ELAC2: variants seen among roughly 807,000 people sequenced by gnomAD.
The protein encoded by ELAC2 is elaC ribonuclease Z 2, also known as zinc phosphodiesterase ELAC protein 2.
Under a neutral mutation model 105.2 loss-of-function variants are expected in ELAC2, and 92 were observed. The ratio of observed to expected loss-of-function variants is 0.87; its 90% CI spans 0.74 to 1.04. The LOEUF (loss-of-function observed/expected upper bound fraction) is 1.04, where lower values mean the gene tolerates loss of function less well. Among genes scored for constraint, ELAC2 ranks in the 50% least tolerant of loss-of-function variants. ELAC2 has a pLI of 0.00. For missense variants in ELAC2, 1,099 were observed against 1,071.7 expected (o/e 1.03, Z -0.36); for synonymous variants, 468 against 409.1 (o/e 1.14, Z -1.74).
chr17:12,996,031 C>T (rs371341302), intron 17 of ELAC2, 53 bp from the exon 18 acceptor site: 187 of 1,553,888 alleles, frequency 1.2e-4, no homozygotes, highest in African/African-American at 1.0e-3. Flanking sequence ...CCATCCCCTC[C>T]GGGTTAGGGT....
intron 17 of ELAC2, 43 bp from the exon 18 acceptor site, chr17:12,996,021 C>A: frequency 6.4e-7 from 1 of 1,565,850 alleles, no homozygotes. Context: ...GGCCCCAGGG[C>A]CATCCCCTCC....
Position 12,992,209 on chromosome 17 carries a change from C to T in ELAC2, c.*609G>A, listed in dbSNP as rs116198313. On this transcript the variant is annotated 3_prime_UTR_variant, in exon 24 of 24. Transcript: ENST00000338034. Reference sequence around the variant, plus strand: ...AGCTCGAGTTGTCAAAAAGACTTGGCGAATAAGGGTGGCTCTCTGAGGACA... The same window carrying T: ...AGCTCGAGTTGTCAAAAAGACTTGGTGAATAAGGGTGGCTCTCTGAGGACA... Among the ~76,000 whole-genome samples the T allele has an allele frequency of 3.3e-3, 503 of 152,164 alleles. 1 individual carries two copies. The highest frequency in any genetic ancestry group is 0.012 in the African/African-American group (479 of 41,506).
In ELAC2 at chr17:13,014,549, G is replaced by C. The variant is rs112467923; in HGVS notation, c.433-53C>G. 1.7e-4 allele frequency: 214 copies of C among 1,296,272 alleles called. 1 individual carries two copies. The African/African-American group carries it at 2.6e-3, about 16-fold the overall frequency. 80.3% of individuals were successfully genotyped at this position (1,296,272 alleles called of 1,614,324 possible). A position where few individuals can be genotyped will look rare whatever the true frequency, so the allele number is the denominator to read the frequency against. On this transcript the variant is annotated intron_variant, in intron 4 of 23. Coordinates refer to ENST00000338034, the MANE Select transcript of ELAC2 (RefSeq NM_018127.7). ...TATGGTTGAACAAATGTAGAACACA[G>C]CAACTATTCAAGTATTTAAAAGGTT...
intron 10 of ELAC2, among the ~76,000 whole-genome samples, 192 bp downstream of exon 10, chr17:13,005,561 G>C (rs1555576955): frequency 1.3e-5 from 2 of 152,162 alleles, no homozygotes; most frequent in Non-Finnish European, 2.9e-5. Context: ...CTACAAAAAT[G>C]CTCGAATGCA....
chr17:13,017,207 T>A (rs1598278774), intron 1 of ELAC2, 86 bp from the exon 2 acceptor site: 2 of 1,216,692 alleles, frequency 1.6e-6, no homozygotes, highest in African/African-American at 3.1e-5. Context: ...TTGTAGACTC[T>A]GGAAAAAAAA....
chr17:13,000,734 C>T (rs2040746999), intron 14 of ELAC2: 1 of 224,074 alleles, frequency 4.5e-6, no homozygotes, highest in Non-Finnish European at 9.0e-6. Flanking sequence ...ACGCAGAAGC[C>T]AGTTCGGCAG....
At position 13,000,116 on chromosome 17, in the gene ELAC2, A is replaced by G. The variant is rs759601377; in HGVS notation, c.1423+40T>C. 4 of 1,578,870 alleles carry G rather than the reference A, an allele frequency of 2.5e-6. No individual in the cohort carries two copies. In the South Asian group the frequency reaches 4.4e-5, roughly 17 times the overall value. The stretch of plus-strand genomic sequence containing the variant: ...GCTAGGAAAACAGCAGCAGGGGCAG[A>G]GCCCAGGAAAGAAAGGCTGCTCTGT... On this transcript the variant is annotated intron_variant, in intron 15 of 23. Coordinates refer to ENST00000338034, the MANE Select transcript of ELAC2 (RefSeq NM_018127.7).
At chr17:12,996,413 A>G (rs1307700816) in intron 17 of ELAC2, 134 bp downstream of exon 17, 4 of 1,396,302 alleles carry the variant, frequency 2.9e-6, no homozygotes, top group Non-Finnish European at 4.0e-6. Flanking sequence ...GCAAAAAACC[A>G]TTTCCTAGCC....
intron 4 of ELAC2, among the ~76,000 whole-genome samples, chr17:13,015,081 G>A (rs905722742): frequency 2.0e-5 from 3 of 152,210 alleles, no homozygotes; most frequent in African/African-American, 7.2e-5. Flanking sequence ...TATTGCAATG[G>A]GGAGCCCATG....
intron 8 of ELAC2, among the ~76,000 whole-genome samples, 162 bp downstream of exon 8, chr17:13,010,451 G>A (rs570313808): frequency 1.3e-5 from 2 of 152,364 alleles, no homozygotes; most frequent in East Asian, 3.8e-4. Flanking sequence ...TTACAGGCGT[G>A]AGCCACTGCA....
At chr17:13,005,593 A>C (rs552431675) in intron 10 of ELAC2, among the ~76,000 whole-genome samples, 160 bp downstream of exon 10, 5 of 152,298 alleles carry the variant, frequency 3.3e-5, no homozygotes, top group Admixed American at 2.0e-4. Context: ...ATGCGGGACA[A>C]ACACAGATAA....
intron 7 of ELAC2, 63 bp downstream of exon 7, chr17:13,011,600 T>C: frequency 1.2e-6 from 2 of 1,612,982 alleles, no homozygotes; most frequent in South Asian, 2.2e-5. Context: ...CTACAAGCAT[T>C]ACAAGGCAGA....
At chr17:12,993,146 C>T (rs1451835892) in intron 23 of ELAC2, 101 bp from the exon 24 acceptor site, 43 of 1,242,184 alleles carry the variant, frequency 3.5e-5, no homozygotes, top group Admixed American at 1.2e-4. Flanking sequence ...GCAGCGCCAA[C>T]GCCCCTTCCT....
At chr17:13,014,394 T>C (rs1386323670) in intron 5 of ELAC2, 45 bp downstream of exon 5, 8 of 1,457,824 alleles carry the variant, frequency 5.5e-6, no homozygotes, top group Non-Finnish European at 7.7e-6. Context: ...TCAGGGCATA[T>C]ATAAGTTAGA....
intron 14 of ELAC2, 187 bp from the exon 15 acceptor site, chr17:13,000,461 T>G: frequency 1.5e-6 from 1 of 653,922 alleles, no homozygotes. Flanking sequence ...GCTGCATCGC[T>G]CTGCCTCAGG....
In ELAC2 at chr17:13,017,838, A is replaced by T; in HGVS notation, c.110T>A (p.Leu37Gln). The T allele has an allele frequency of 6.3e-7, 1 of 1,583,618 alleles. No homozygotes were observed. The highest frequency in any genetic ancestry group is 1.8e-5 in the Admixed American group (1 of 55,698). Residue 37 changes from leucine to glutamine, a missense_variant, in exon 1 of 24, where the codon CTG becomes CAG. By Grantham distance (113) the Leu-to-Gln change is moderately radical (BLOSUM62 -2). Coordinates refer to ENST00000338034, the MANE Select transcript of ELAC2 (RefSeq NM_018127.7). ...CTTCTCTCGCGTGCGCAGGTGCCGC[A>T]GCGGGTCCTTGCGCGGCCGCTCGCG... ...ARRERPRKDP[L>Q]RHLRTREKRG...
Position 13,015,784 on chromosome 17 carries a change from G to T in ELAC2, c.416C>A (p.Ser139Tyr), listed in dbSNP as rs886462922. The change falls in exon 4 of 24, where the codon TCT (serine) becomes TAT (tyrosine). Residue 139 changes from serine (S) to tyrosine (Y), a missense_variant. By Grantham distance (144) the Ser-to-Tyr change is moderately radical. Coordinates refer to ENST00000338034, the MANE Select transcript of ELAC2 (RefSeq NM_018127.7). ...KETGLPKCVL[S>Y]GPPQLEKYLE... ...AAGACTCACCAGTTGTGGAGGTCCA[G>T]AAAGTACACACTTTGGAAGCCCGGT... 1 of 1,613,864 alleles carries T rather than the reference G, an allele frequency of 6.2e-7. No individual in the cohort carries two copies. Among genetic ancestry groups the T allele is most frequent in the African/African-American group, 1.3e-5 (1 of 74,938 alleles).
rs1266677255 is a variant in ELAC2 at position 13,017,770 on chromosome 17, G to C, written c.178C>G (p.Leu60Val). 3 of 1,611,494 alleles carry C rather than the reference G, an allele frequency of 1.9e-6. No homozygotes were observed. The Admixed American group carries it at 5.0e-5, about 27-fold the overall frequency. ...CGGCTACCCGCTGCCACCACCTGCA[G>C]GTACACGGTGTTTGGGCCGCCGGAG... ...GCSGGPNTVY[L>V]QVVAAGSRDS... Residue 60 changes from leucine (L) to valine (V), a missense_variant, in exon 1 of 24, where the codon CTG becomes GTG. Coordinates refer to ENST00000338034, the MANE Select transcript of ELAC2 (RefSeq NM_018127.7).
At position 13,002,262 on chromosome 17, in the gene ELAC2, G is replaced by C; in HGVS notation, c.1304+12C>G. ...GACTGAGACGATTCCATTAGTTCAA[G>C]ATGGCACAGACCTCTGCCACTCCCT... On this transcript the variant is annotated intron_variant, in intron 14 of 23. Transcript: ENST00000338034. The C allele has an allele frequency of 6.2e-7, 1 of 1,613,730 alleles. No individual in the cohort carries two copies. Among genetic ancestry groups the C allele is most frequent in the Non-Finnish European group, 8.5e-7 (1 of 1,179,696 alleles).
Sources: gnomAD v4.1 joint callset for allele counts (sites outside exome capture counted in the v4.1 genomes callset) on GRCh38, gnomAD v4.1.1 for gene constraint, MANE v1.5 for transcripts, NCBI Gene and HGNC (gene_info 2026-07-23, HGNC 2026-07-21) for gene names.